Variants in HUNK observed in about 807,000 individuals in gnomAD.
HUNK encodes the protein hormonally up-regulated neu tumor-associated kinase.
HUNK carries 21 observed loss-of-function variants against 61.0 expected under a neutral mutation model. The ratio of observed to expected loss-of-function variants is 0.34; its 90% CI spans 0.24 to 0.50. The LOEUF is 0.50. Ranked by LOEUF, HUNK falls within the 20% of genes least tolerant of loss-of-function variation. HUNK has a pLI of 0.98. For missense variants in HUNK, 772 were observed against 945.7 expected (o/e 0.82, Z 2.41); for synonymous variants, 371 against 386.1 (o/e 0.96, Z 0.46).
intron 7 of HUNK, among the ~76,000 whole-genome samples, chr21:31,981,938 A>G (rs2053100293): frequency 6.6e-6 from 1 of 151,692 alleles, no homozygotes; most frequent in Non-Finnish European, 1.5e-5. Context: ...TCTGGGGTAC[A>G]TGTTTAGGAT....
At chr21:31,902,899 A>G (rs923981080) in intron 1 of HUNK, among the ~76,000 whole-genome samples, 1 of 152,124 alleles carries the variant, frequency 6.6e-6, no homozygotes, top group Non-Finnish European at 1.5e-5. Flanking sequence ...TCACACTATT[A>G]ATCTTTTCTT....
chr21:31,890,349 C>T (rs1432808216), intron 1 of HUNK, among the ~76,000 whole-genome samples: 1 of 152,048 alleles, frequency 6.6e-6, no homozygotes, highest in Admixed American at 6.6e-5. Flanking sequence ...CTGCATCAGG[C>T]TTCCAAGTAG....
At chr21:31,899,318 G>A (rs977287929) in intron 1 of HUNK, among the ~76,000 whole-genome samples, 3 of 152,158 alleles carry the variant, frequency 2.0e-5, no homozygotes, top group African/African-American at 7.2e-5. Context: ...GAATGCTGTA[G>A]GGGAGGAGAA....
intron 4 of HUNK, among the ~76,000 whole-genome samples, chr21:31,955,820 G>A (rs192718970): frequency 9.8e-5 from 15 of 152,286 alleles, no homozygotes; most frequent in Non-Finnish European, 1.6e-4. Flanking sequence ...CACTTACTGC[G>A]GAAAAAAATG....
chr21:31,998,996 A>G lies in HUNK; in HGVS notation c.1957A>G (p.Ser653Gly), dbSNP rs756879955. The part of the protein sequence containing the change: ...PSNGPMQPLG[S>G]PNCVKSRGRF... ...CAATGGCCCCATGCAGCCTCTGGGG[A>G]GCCCCAATTGTGTGAAAAGCCGAGG... The change falls in exon 11 of 11, where the codon AGC becomes GGC. Residue 653 changes from serine to glycine, a missense_variant. Physicochemically the swap from Ser to Gly is moderately conservative, Grantham distance 56. Coordinates refer to ENST00000270112, the MANE Select transcript of HUNK (RefSeq NM_014586.2). The G allele has an allele frequency of 2.4e-5, 38 of 1,613,962 alleles. No individual in the cohort carries two copies. The highest frequency in any genetic ancestry group is 2.2e-4 in the Admixed American group (13 of 60,000).
chr21:31,998,184 G>A (rs768829845), intron 10 of HUNK, among the ~76,000 whole-genome samples: 8 of 152,214 alleles, frequency 5.3e-5, no homozygotes, highest in Non-Finnish European at 1.2e-4. Context: ...CTCCCAAAGT[G>A]CTGGGATCAC....
At chr21:31,886,774 TA>T (rs761611847) in intron 1 of HUNK, among the ~76,000 whole-genome samples, 26 of 151,840 alleles carry the variant, frequency 1.7e-4, no homozygotes, top group Non-Finnish European at 3.2e-4. Flanking sequence ...GCCTCTCGAG[TA>T]GCTGAGATTA....
intron 9 of HUNK, among the ~76,000 whole-genome samples, chr21:31,992,369 C>A (rs746632152): frequency 6.6e-6 from 1 of 152,234 alleles, no homozygotes; most frequent in Non-Finnish European, 1.5e-5. Flanking sequence ...GTTCATGGGG[C>A]TGCGTTTTCA....
At chr21:31,912,132 C>G (rs986307815) in intron 1 of HUNK, among the ~76,000 whole-genome samples, 4 of 152,176 alleles carry the variant, frequency 2.6e-5, no homozygotes, top group Admixed American at 1.3e-4. Context: ...GTCCTTCCCC[C>G]ACCGTTCCTC....
At chr21:31,895,266 C>T (rs1030906893) in intron 1 of HUNK, among the ~76,000 whole-genome samples, 5 of 152,186 alleles carry the variant, frequency 3.3e-5, no homozygotes, top group African/African-American at 1.2e-4. Context: ...AGTCATCATT[C>T]AACCTGCTTC....
chr21:31,979,979 A>C (rs1190773639), intron 7 of HUNK, among the ~76,000 whole-genome samples: 2 of 152,212 alleles, frequency 1.3e-5, no homozygotes, highest in Non-Finnish European at 2.9e-5. Context: ...TTTGGGAGTC[A>C]TGTCCAAAAA....
chr21:31,885,071 C>A (rs981430220), intron 1 of HUNK, among the ~76,000 whole-genome samples: 2 of 152,108 alleles, frequency 1.3e-5, no homozygotes, highest in Non-Finnish European at 2.9e-5. Context: ...AGTCATCGCG[C>A]CTGGCCAAAT....
intron 3 of HUNK, 63 bp downstream of exon 3, chr21:31,940,283 C>A: frequency 1.9e-6 from 2 of 1,028,904 alleles, no homozygotes; most frequent in Non-Finnish European, 2.9e-6. Flanking sequence ...CAGTTCTCAA[C>A]TTTGAAAATT....
At chr21:31,899,961 G>A (rs1240233962) in intron 1 of HUNK, among the ~76,000 whole-genome samples, 1 of 152,086 alleles carries the variant, frequency 6.6e-6, no homozygotes, top group Admixed American at 6.6e-5. Context: ...TTTAAATGGA[G>A]ACGGAGTTTC....
chr21:31,985,454 G>C (rs2053126188), intron 8 of HUNK, among the ~76,000 whole-genome samples: 1 of 152,188 alleles, frequency 6.6e-6, no homozygotes, highest in African/African-American at 2.4e-5. Flanking sequence ...GACAGGGAGT[G>C]CCCAGCTGCA....
At chr21:31,892,597 GA>G (rs1568918221) in intron 1 of HUNK, among the ~76,000 whole-genome samples, 3 of 139,354 alleles carry the variant, frequency 2.2e-5, no homozygotes, top group Non-Finnish European at 3.1e-5. Context: ...AGGAAAGAAA[GA>G]AAAAAAAAGA....
chr21:31,964,635 T>C (rs1469099625), intron 5 of HUNK, among the ~76,000 whole-genome samples: 4 of 152,184 alleles, frequency 2.6e-5, no homozygotes, highest in African/African-American at 9.7e-5. Flanking sequence ...TTAATCTCTT[T>C]TGCCCATAAG....
At chr21:31,939,305 A>T (rs2052752870) in intron 2 of HUNK, among the ~76,000 whole-genome samples, 1 of 151,914 alleles carries the variant, frequency 6.6e-6, no homozygotes, top group South Asian at 2.1e-4. Flanking sequence ...TGCCTGCTAA[A>T]TAGATTAACT....
chr21:31,957,807 C>T (rs1037220294), intron 4 of HUNK, among the ~76,000 whole-genome samples: 1 of 152,100 alleles, frequency 6.6e-6, no homozygotes. Flanking sequence ...CAGAATCTCA[C>T]AATAAACAAT....
Sources: allele counts gnomAD v4.1 joint callset (sites outside exome capture counted in the v4.1 genomes callset), GRCh38; gene constraint gnomAD v4.1.1; transcripts MANE v1.5; gene names NCBI Gene and HGNC (gene_info 2026-07-23, HGNC 2026-07-21).